The following FLACC1 variants were observed in gnomAD, a reference collection of about 807,000 sequenced individuals.
FLACC1 encodes the protein flagellum-associated coiled-coil domain-containing protein 1.
In FLACC1, 66 loss-of-function variants were observed where a neutral mutation model predicts 62.8. The ratio of observed to expected loss-of-function variants is 1.05; its 90% CI spans 0.86 to 1.29. The LOEUF is 1.29. FLACC1 is among the 50% of genes most tolerant of loss of function. The pLI is 0.00. For missense variants in FLACC1, 452 were observed against 489.1 expected (o/e 0.92, Z 0.71); for synonymous variants, 156 against 161.0 (o/e 0.97, Z 0.24).
intron 9 of FLACC1, among the ~76,000 whole-genome samples, chr2:201,316,505 C>A (rs939424320): frequency 6.6e-6 from 1 of 152,006 alleles, no homozygotes; most frequent in Non-Finnish European, 1.5e-5. Flanking sequence ...TAGCTTAAAT[C>A]AGGAAGAATT....
chr2:201,304,685 C>G (rs543742179), intron 11 of FLACC1, among the ~76,000 whole-genome samples: 16 of 152,156 alleles, frequency 1.1e-4, no homozygotes, highest in Non-Finnish European at 2.4e-4. Context: ...TCAAACTATA[C>G]TACAAGGCTA....
the FLACC1 span, among the ~76,000 whole-genome samples, chr2:201,362,447 A>G: frequency 2.6e-5 from 4 of 152,160 alleles, no homozygotes; most frequent in Admixed American, 1.3e-4. Flanking sequence ...CAAAAAGGAA[A>G]ATGGGAATCC....
rs1334292540 is a variant in FLACC1, at chr2:201,289,968, C to A, written c.943-183G>T. ...CACCCATCTATATCCTTCTCTTCAG[C>A]CTCACCAGAGCTCATATGAATGGTT... On this transcript the variant is annotated intron_variant, in intron 12 of 14. Transcript: ENST00000392257. The A allele has an allele frequency of 1.4e-5, 15 of 1,056,388 alleles. No individual in the cohort carries two copies. In the East Asian group the frequency reaches 3.4e-4, roughly 24 times the overall value. The allele number at this position is 1,056,388 out of a possible 1,614,324, so 65.4% of individuals were successfully genotyped here.
upstream of FLACC1, among the ~76,000 whole-genome samples, chr2:201,361,042 C>G (rs1428908586): frequency 2.0e-5 from 3 of 152,164 alleles, no homozygotes; most frequent in African/African-American, 7.2e-5. Flanking sequence ...CGTGCCACTG[C>G]ATTCAAGCCT....
upstream of FLACC1, among the ~76,000 whole-genome samples, chr2:201,359,077 T>A (rs1364293057): frequency 6.6e-6 from 1 of 152,180 alleles, no homozygotes; most frequent in Non-Finnish European, 1.5e-5. Context: ...GACCTGACGA[T>A]GGCCCTGACT....
chr2:201,305,639 G>A (rs1950087302), intron 11 of FLACC1, among the ~76,000 whole-genome samples: 1 of 152,204 alleles, frequency 6.6e-6, no homozygotes, highest in South Asian at 2.1e-4. Flanking sequence ...GCACACGTAT[G>A]TTTATTGTGG....
rs537904593 is a variant in FLACC1 at position 201,319,778 on chromosome 2, A to G, written c.676-10528T>C. Among the ~76,000 whole-genome samples the G allele has an allele frequency of 5.3e-4, 81 of 152,362 alleles. 1 individual carries two copies. The highest frequency in any genetic ancestry group is 8.4e-4 in the Non-Finnish European group (57 of 68,036). On this transcript the variant is annotated intron_variant, in intron 9 of 14. Transcript: ENST00000392257. ...ATGGCAGATTAGAGGCATTGCTAGC[A>G]TACTTCTCCCACTTGGAAAAACAAA...
chr2:201,348,313 A>T lies in FLACC1; in HGVS notation c.186-11T>A. 1 of 1,611,500 alleles carries T rather than the reference A, an allele frequency of 6.2e-7. No homozygotes were observed. The highest frequency in any genetic ancestry group is 1.1e-5 in the South Asian group (1 of 90,808). On this transcript the variant is annotated splice_polypyrimidine_tract_variant and intron_variant, in intron 3 of 14. Transcript: ENST00000392257. The stretch of plus-strand genomic sequence containing the variant: ...GAATGGATTTTCATTCTGCAAGAGA[A>T]AGACATGCTCAGAAAGCAACCAGAC...
At chr2:201,345,398 C>T (rs2125615083) in intron 5 of FLACC1, among the ~76,000 whole-genome samples, 1 of 152,082 alleles carries the variant, frequency 6.6e-6, no homozygotes, top group Non-Finnish European at 1.5e-5. Flanking sequence ...GATGTAACCA[C>T]TGCTAACGGT....
chr2:201,354,106 G>T (rs1049904902), intron 1 of FLACC1, among the ~76,000 whole-genome samples: 1 of 152,216 alleles, frequency 6.6e-6, no homozygotes, highest in Admixed American at 6.5e-5. Flanking sequence ...TGATGCTTGA[G>T]AAACCCACTG....
rs547776201 is a variant in FLACC1, at chr2:201,300,463, G to GGCCT, written c.880-1167_880-1164dup. Among the ~76,000 whole-genome samples the GGCCT allele has an allele frequency of 3.4e-4, 52 of 152,306 alleles. 1 individual carries two copies. The East Asian group carries it at 8.3e-3, about 24-fold the overall frequency. Reference sequence around the variant, plus strand: ...GGTGGAGCCCACCACAGCTCAAGGAGGCCTGCCTGCCTCTGTAGATTCCAC... The same window carrying GGCCT: ...GGTGGAGCCCACCACAGCTCAAGGAGGCCTGCCTGCCTGCCTCTGTAGATTCCAC... On this transcript the variant is annotated intron_variant, in intron 11 of 14. Coordinates refer to ENST00000392257, the MANE Select transcript of FLACC1 (RefSeq NM_001127391.3).
At chr2:201,344,052 C>T in intron 6 of FLACC1, 118 bp downstream of exon 6, 1 of 808,908 alleles carries the variant, frequency 1.2e-6, no homozygotes. Context: ...GGTCCTGTCA[C>T]CTGGACAACA....
Position 201,288,562 on chromosome 2 carries a change from T to C in FLACC1, c.*93A>G. Reference sequence around the variant, plus strand: ...AGCAACCCAAGAACTAAACTCATTATATGCATTTTCTCAAGAAAACCCTCC... The same window carrying C: ...AGCAACCCAAGAACTAAACTCATTACATGCATTTTCTCAAGAAAACCCTCC... On this transcript the variant is annotated 3_prime_UTR_variant, in exon 15 of 15. Transcript: ENST00000392257. The C allele has an allele frequency of 2.7e-6, 4 of 1,469,104 alleles. No homozygotes were observed. Among genetic ancestry groups the C allele is most frequent in the Admixed American group, 2.1e-5 (1 of 47,862 alleles). 91.0% of individuals were successfully genotyped at this position (1,469,104 alleles called of 1,614,324 possible). A position where few individuals can be genotyped will look rare whatever the true frequency, so the allele number is the denominator to read the frequency against.
At chr2:201,318,066 C>A (rs1284454101) in intron 9 of FLACC1, among the ~76,000 whole-genome samples, 1 of 152,130 alleles carries the variant, frequency 6.6e-6, no homozygotes, top group African/African-American at 2.4e-5. Flanking sequence ...AAACTGGATC[C>A]TCATCTCTCA....
chr2:201,291,620 T>TC (rs1164780443), intron 12 of FLACC1, among the ~76,000 whole-genome samples: 2 of 152,090 alleles, frequency 1.3e-5, no homozygotes, highest in African/African-American at 4.8e-5. Flanking sequence ...TCAGAGTGCC[T>TC]CTCCTCCTCC....
chr2:201,344,314 C>T, intron 5 of FLACC1, 51 bp from the exon 6 acceptor site: 1 of 1,456,636 alleles, frequency 6.9e-7, no homozygotes. Flanking sequence ...CATTCCATGC[C>T]ATTCAGGCCC....
intron 7 of FLACC1, among the ~76,000 whole-genome samples, chr2:201,334,875 T>A (rs537430515): frequency 2.6e-5 from 4 of 152,188 alleles, no homozygotes; most frequent in African/African-American, 9.6e-5. Context: ...TGATGTTAGT[T>A]CTTATTTTAA....
At position 201,330,227 on chromosome 2, in the gene FLACC1, ATTAC is replaced by A. The variant is rs1950564588; in HGVS notation, c.675+239_675+242del. Among the ~76,000 whole-genome samples the A allele has an allele frequency of 2.0e-5, 3 of 152,208 alleles. No individual in the cohort carries two copies. In the South Asian group the frequency reaches 6.2e-4, roughly 31 times the overall value. On this transcript the variant is annotated intron_variant, in intron 9 of 14. Transcript: ENST00000392257. ...GCTCCATTACAAAAAATGAGAAGCT[ATTAC>A]TTTTGTAATCACAAACATATTTTTC...
rs1371798979 is a variant in FLACC1, at chr2:201,289,689, G to T, written c.1032+7C>A. ...CAACCCCCATCCCCACTCCAGTAGG[G>T]ACTCACCTCTTTCTGGAGTTCCAAC... On this transcript the variant is annotated splice_region_variant and intron_variant, in intron 13 of 14. Coordinates refer to ENST00000392257, the MANE Select transcript of FLACC1 (RefSeq NM_001127391.3). The T allele has an allele frequency of 6.2e-7, 1 of 1,613,408 alleles. No homozygotes were observed. The highest frequency in any genetic ancestry group is 1.1e-5 in the South Asian group (1 of 90,996).
Sources: gnomAD v4.1 joint callset for allele counts (sites outside exome capture counted in the v4.1 genomes callset) on GRCh38, gnomAD v4.1.1 for gene constraint, MANE v1.5 for transcripts, NCBI Gene and HGNC (gene_info 2026-07-23, HGNC 2026-07-21) for gene names.